ASB3: variants seen among roughly 807,000 people sequenced by gnomAD.
ASB3 encodes ankyrin repeat and SOCS box protein 3.
In ASB3, 41 loss-of-function variants were observed where a neutral mutation model predicts 54.5. That is an observed-to-expected ratio of 0.75 (90% CI 0.59 to 0.98). ASB3 has a LOEUF of 0.98. Among genes scored for constraint, ASB3 ranks in the 50% least tolerant of loss-of-function variants. ASB3 has a pLI of 0.00. For missense variants in ASB3, 733 were observed against 620.0 expected (o/e 1.18, Z -1.94); for synonymous variants, 266 against 221.2 (o/e 1.20, Z -1.80).
At chr2:53,785,615 G>A (rs1453117737) in intron 1 of ASB3, among the ~76,000 whole-genome samples, 4 of 152,216 alleles carry the variant, frequency 2.6e-5, no homozygotes, top group Non-Finnish European at 5.9e-5. Context: ...GGCCGAGGAG[G>A]GCGGATCACC....
At chr2:53,727,731 C>T (rs1671084302) in intron 5 of ASB3, among the ~76,000 whole-genome samples, 1 of 151,998 alleles carries the variant, frequency 6.6e-6, no homozygotes, top group African/African-American at 2.4e-5. Flanking sequence ...TTCTTTCTTT[C>T]TTTCTTTTTT....
chr2:53,672,049 C>G (rs181434680), intron 9 of ASB3, among the ~76,000 whole-genome samples: 5 of 152,298 alleles, frequency 3.3e-5, no homozygotes, highest in African/African-American at 1.2e-4. Flanking sequence ...AATTAATTCT[C>G]TAACATCTTC....
intron 9 of ASB3, among the ~76,000 whole-genome samples, chr2:53,683,662 T>C (rs751582536): frequency 5.3e-5 from 8 of 152,304 alleles, no homozygotes; most frequent in Non-Finnish European, 7.3e-5. Flanking sequence ...TTACTTGTTA[T>C]TGGTCTGCTC....
At chr2:53,680,675 A>G (rs1668323586) in intron 9 of ASB3, among the ~76,000 whole-genome samples, 1 of 152,252 alleles carries the variant, frequency 6.6e-6, no homozygotes, top group African/African-American at 2.4e-5. Context: ...TAATCATATC[A>G]GGGTAAATGG....
chr2:53,709,546 G>C (rs1033049230), intron 7 of ASB3, among the ~76,000 whole-genome samples: 3 of 152,204 alleles, frequency 2.0e-5, no homozygotes, highest in Non-Finnish European at 4.4e-5. Flanking sequence ...ATGAAGGCTG[G>C]AGGTGGAAAG....
intron 7 of ASB3, among the ~76,000 whole-genome samples, chr2:53,703,696 T>C (rs984591686): frequency 3.3e-5 from 5 of 152,174 alleles, no homozygotes; most frequent in Non-Finnish European, 7.3e-5. Context: ...TAAAAGTTTA[T>C]TAGAATACAA....
At chr2:53,687,429 C>G (rs1668688439) in intron 9 of ASB3, among the ~76,000 whole-genome samples, 1 of 152,096 alleles carries the variant, frequency 6.6e-6, no homozygotes, top group African/African-American at 2.4e-5. Flanking sequence ...GGTCATGTGT[C>G]CAGTTTTTTA....
At chr2:53,697,202 T>C (rs1370078452) in intron 8 of ASB3, among the ~76,000 whole-genome samples, 2 of 152,152 alleles carry the variant, frequency 1.3e-5, no homozygotes, top group African/African-American at 4.8e-5. Flanking sequence ...CCCATGACAG[T>C]TTACCAATGC....
At chr2:53,782,261 A>G (rs1674691390) in intron 1 of ASB3, among the ~76,000 whole-genome samples, 1 of 152,180 alleles carries the variant, frequency 6.6e-6, no homozygotes, top group African/African-American at 2.4e-5. Flanking sequence ...TCCGCTTCCT[A>G]ACAAAATCGC....
At chr2:53,776,274 T>A (rs942415424) in intron 1 of ASB3, among the ~76,000 whole-genome samples, 1 of 152,240 alleles carries the variant, frequency 6.6e-6, no homozygotes, top group Non-Finnish European at 1.5e-5. Context: ...CCAGACGGCA[T>A]TTCACTTGTC....
intron 8 of ASB3, among the ~76,000 whole-genome samples, chr2:53,697,943 T>G (rs1669276598): frequency 6.6e-6 from 1 of 152,180 alleles, no homozygotes; most frequent in South Asian, 2.1e-4. Flanking sequence ...AGCTCTACAG[T>G]CCTGAGGTCT....
At chr2:53,694,332 T>A (rs955884601) in intron 8 of ASB3, 7 of 223,372 alleles carry the variant, frequency 3.1e-5, no homozygotes, top group Non-Finnish European at 6.2e-5. Context: ...TTTCCTCCCA[T>A]TTGGACTATC....
rs534332344 is a variant in ASB3, at chr2:53,694,153, T to C, written c.1239-139A>G. On this transcript the variant is annotated intron_variant, in intron 8 of 9. Coordinates refer to ENST00000263634, the MANE Select transcript of ASB3 (RefSeq NM_016115.5). ...AAAACCAGGGCATGTTAAGTATTTA[T>C]GTAACTAGAGGCAAGATCAGAGGAT... 31 of 950,930 alleles carry C rather than the reference T, an allele frequency of 3.3e-5. No homozygotes were observed. In the South Asian group the frequency reaches 4.8e-4, roughly 15 times the overall value. 58.9% of individuals were successfully genotyped at this position (950,930 alleles called of 1,614,324 possible). A position where few individuals can be genotyped will look rare whatever the true frequency, so the allele number is the denominator to read the frequency against.
intron 1 of ASB3, among the ~76,000 whole-genome samples, chr2:53,781,617 T>C (rs1018284835): frequency 6.6e-6 from 1 of 152,110 alleles, no homozygotes; most frequent in Admixed American, 6.5e-5. Context: ...TGCTTCAGCC[T>C]CCAGAGTAGC....
chr2:53,703,819 C>T (rs11688373), intron 7 of ASB3, among the ~76,000 whole-genome samples: 8 of 152,096 alleles, frequency 5.3e-5, no homozygotes, highest in African/African-American at 1.9e-4. Context: ...CACCTGAAGT[C>T]GGATAGGTGT....
intron 7 of ASB3, among the ~76,000 whole-genome samples, chr2:53,710,634 T>C (rs1181289457): frequency 6.6e-6 from 1 of 152,226 alleles, no homozygotes; most frequent in East Asian, 1.9e-4. Flanking sequence ...TGAAGAACAC[T>C]AGCTTTTTGG....
intron 9 of ASB3, among the ~76,000 whole-genome samples, chr2:53,686,822 A>G (rs1668658525): frequency 6.6e-6 from 1 of 152,248 alleles, no homozygotes; most frequent in East Asian, 1.9e-4. Context: ...AGGAGAATCA[A>G]GCGATTCTCC....
At chr2:53,709,643 T>G (rs1298932839) in intron 7 of ASB3, among the ~76,000 whole-genome samples, 1 of 152,178 alleles carries the variant, frequency 6.6e-6, no homozygotes, top group Admixed American at 6.5e-5. Context: ...TCTATGGGAG[T>G]TCACTGTACC....
chr2:53,784,837 G>A (rs1311849710), intron 1 of ASB3, among the ~76,000 whole-genome samples: 2 of 152,090 alleles, frequency 1.3e-5, no homozygotes, highest in African/African-American at 2.4e-5. Flanking sequence ...TAGGGGATAG[G>A]ACTTAAACAT....
Sources: gnomAD v4.1 joint callset for allele counts (sites outside exome capture counted in the v4.1 genomes callset) on GRCh38, gnomAD v4.1.1 for gene constraint, MANE v1.5 for transcripts, NCBI Gene and HGNC (gene_info 2026-07-23, HGNC 2026-07-21) for gene names.